Variants in SLA2 observed in about 807,000 individuals in gnomAD.
SLA2 encodes the protein src-like-adapter 2.
SLA2 carries 22 observed loss-of-function variants against 27.3 expected under a neutral mutation model. The ratio of observed to expected loss-of-function variants is 0.81; its 90% CI spans 0.58 to 1.15. The LOEUF is 1.15. Ranked by LOEUF, SLA2 falls within the 50% of genes most tolerant of loss-of-function variation. The pLI, the probability that SLA2 is intolerant of heterozygous loss-of-function variation, is 0.00. For synonymous variants in SLA2, 131 were observed against 137.8 expected, an observed-to-expected ratio of 0.95 and a Z score of 0.34; for missense variants, 304 against 322.2, an observed-to-expected ratio of 0.94 and a Z score of 0.43.
At chr20:36,631,586 C>T (rs2039393739) in intron 5 of SLA2, among the ~76,000 whole-genome samples, 1 of 152,206 alleles carries the variant, frequency 6.6e-6, no homozygotes, top group Non-Finnish European at 1.5e-5. Context: ...GCCTTCTGCC[C>T]CACCCTCAAG....
intron 5 of SLA2, among the ~76,000 whole-genome samples, chr20:36,616,300 AT>A: frequency 7.9e-6 from 1 of 126,292 alleles, no homozygotes; most frequent in African/African-American, 3.1e-5. Context: ...TGCATGTTTC[AT>A]TTTTTCATTT....
intron 2 of SLA2, among the ~76,000 whole-genome samples, chr20:36,640,730 TG>T (rs1722611718): frequency 1.3e-5 from 2 of 152,182 alleles, no homozygotes; most frequent in African/African-American, 4.8e-5. Context: ...TTGGCCAGGC[TG>T]GTCTTGAACT....
intron 1 of SLA2, among the ~76,000 whole-genome samples, chr20:36,642,869 G>A (rs1015085047): frequency 3.3e-5 from 5 of 152,000 alleles, no homozygotes; most frequent in Non-Finnish European, 7.4e-5. Flanking sequence ...ACAGGCATGA[G>A]CCACCGCACC....
At chr20:36,632,537 G>A (rs528990726) in intron 5 of SLA2, 58 bp downstream of exon 5, 2 of 1,349,430 alleles carry the variant, frequency 1.5e-6, no homozygotes, top group Non-Finnish European at 2.1e-6. Flanking sequence ...TATATCTGTG[G>A]GCTCCTTTCT....
intron 5 of SLA2, among the ~76,000 whole-genome samples, chr20:36,626,576 G>T (rs1208521606): frequency 6.8e-6 from 1 of 148,066 alleles, no homozygotes; most frequent in African/African-American, 2.5e-5. Flanking sequence ...GTCTGGGCGC[G>T]GTGGCTCATG....
intron 2 of SLA2, among the ~76,000 whole-genome samples, chr20:36,636,338 G>A (rs1205655557): frequency 1.3e-5 from 2 of 148,730 alleles, no homozygotes; most frequent in African/African-American, 5.1e-5. Context: ...GGAGAATGGC[G>A]TGAACCCGGG....
chr20:36,623,738 G>C (rs1045651549), intron 5 of SLA2, among the ~76,000 whole-genome samples: 1 of 151,672 alleles, frequency 6.6e-6, no homozygotes, highest in African/African-American at 2.4e-5. Flanking sequence ...GAGTGATCCT[G>C]TTGCCTCAGC....
rs1378771852 is a variant in SLA2, at chr20:36,634,536, C to T, written c.145G>A (p.Ala49Thr). 1 of 1,611,548 alleles carries T rather than the reference C, an allele frequency of 6.2e-7. No homozygotes were observed. Among genetic ancestry groups the T allele is most frequent in the Non-Finnish European group, 8.5e-7 (1 of 1,178,612 alleles). Residue 49 changes from alanine to threonine, a missense_variant, in exon 3 of 8, where the codon GCC (alanine) becomes ACC (threonine). Ala to Thr is a moderately conservative substitution (Grantham distance 58). Transcript: ENST00000262866. ...TCCCCGAGTCTCAGCGACAGCTCGG[C>T]CGGGCCACCTGCCGGGAAACTGCCC... is the stretch of plus-strand genomic sequence containing the variant. The part of the protein sequence containing the change: ...ALGSFPAGGP[A>T]ELSLRLGEPL...
Position 36,631,327 on chromosome 20 carries a change from A to T in SLA2, c.382+1268T>A, listed in dbSNP as rs6071708. Among the ~76,000 whole-genome samples the T allele has an allele frequency of 3.8e-3, 581 of 152,196 alleles. 8 individuals carry two copies. Among genetic ancestry groups the T allele is most frequent in the African/African-American group, 0.013 (536 of 41,528 alleles). On this transcript the variant is annotated intron_variant, in intron 5 of 7. Transcript: ENST00000262866. ...ACCACCATGCCTCACTACATTTTAAATTTTTTTGTAGAGAAGTGGTCTCAT... is the reference window on the plus strand; with the variant it reads ...ACCACCATGCCTCACTACATTTTAATTTTTTTTGTAGAGAAGTGGTCTCAT...
At chr20:36,633,019 G>C (rs1463737248) in intron 4 of SLA2, among the ~76,000 whole-genome samples, 2 of 152,254 alleles carry the variant, frequency 1.3e-5, no homozygotes, top group African/African-American at 4.8e-5. Context: ...AAAGCACCCT[G>C]ATTCTATCCA....
intron 1 of SLA2, among the ~76,000 whole-genome samples, chr20:36,642,203 G>A (rs1302816687): frequency 1.7e-4 from 10 of 60,134 alleles, no homozygotes; most frequent in Middle Eastern, 8.1e-3. Context: ...AAAAAGGACC[G>A]TGGGTTGTAT....
intron 5 of SLA2, 81 bp downstream of exon 5, chr20:36,632,514 G>A (rs893928199): frequency 1.3e-4 from 141 of 1,095,052 alleles, no homozygotes; most frequent in Non-Finnish European, 1.8e-4. Flanking sequence ...TTTCTGGGCC[G>A]CACCTGCAGC....
intron 5 of SLA2, among the ~76,000 whole-genome samples, chr20:36,623,602 C>A (rs1367467424): frequency 1.3e-5 from 2 of 152,086 alleles, no homozygotes; most frequent in Non-Finnish European, 2.9e-5. Context: ...GTCTCTGCTT[C>A]GTTTTCTTTG....
At chr20:36,632,719 GA>G in intron 4 of SLA2, 21 bp from the exon 5 acceptor site, 2 of 1,601,602 alleles carry the variant, frequency 1.2e-6, no homozygotes, top group Non-Finnish European at 1.7e-6. Context: ...GAAAGAGAGG[GA>G]CAAGGGACAG....
rs541844149 is a variant in SLA2, at chr20:36,614,918, G to A, written c.532+307C>T. 2.1e-4 allele frequency: 203 copies of A among 985,428 alleles called. 1 individual carries two copies. The African/African-American group carries it at 3.4e-3, about 17-fold the overall frequency. The allele number at this position is 985,428 out of a possible 1,614,324, so 61.0% of individuals were successfully genotyped here. A position where few individuals can be genotyped will look rare whatever the true frequency, so the allele number is the denominator to read the frequency against. ...CAGGATTGAATCCCACACAGCAGCA[G>A]CTCTGTGCCCGGTTCCTGTGGAGAG... On this transcript the variant is annotated intron_variant, in intron 6 of 7. Coordinates refer to ENST00000262866, the MANE Select transcript of SLA2 (RefSeq NM_032214.4).
intron 3 of SLA2, among the ~76,000 whole-genome samples, chr20:36,633,982 A>C (rs1378242126): frequency 1.3e-5 from 2 of 148,862 alleles, no homozygotes; most frequent in East Asian, 4.0e-4. Context: ...CAGTATCTCT[A>C]ATTCCTTCCT....
Position 36,613,774 on chromosome 20 carries a change from G to T in SLA2, c.*92C>A. The T allele has an allele frequency of 1.2e-5, 5 of 413,174 alleles. No homozygotes were observed. Among genetic ancestry groups the T allele is most frequent in the South Asian group, 4.0e-5 (2 of 50,480 alleles). The allele number at this position is 413,174 out of a possible 1,614,324, so 25.6% of individuals were successfully genotyped here. ...CCTCTGTGTCCCACCCTCCCTCCCT[G>T]AGTGCACAGCCTTGCCTCTGGGGTG... On this transcript the variant is annotated 3_prime_UTR_variant, in exon 8 of 8. Coordinates refer to ENST00000262866, the MANE Select transcript of SLA2 (RefSeq NM_032214.4).
chr20:36,636,004 T>A (rs2039440828), intron 2 of SLA2, among the ~76,000 whole-genome samples: 1 of 152,174 alleles, frequency 6.6e-6, no homozygotes, highest in Non-Finnish European at 1.5e-5. Context: ...TTCTAGTTGG[T>A]TACGGGTTTA....
intron 2 of SLA2, among the ~76,000 whole-genome samples, chr20:36,637,646 T>TTTG (rs1491016261): frequency 5.6e-5 from 8 of 141,912 alleles, no homozygotes; most frequent in Non-Finnish European, 1.1e-4. Context: ...TTTTTTTTTT[T>TTTG]GAGACAGTCC....
Sources: gnomAD v4.1 joint callset for allele counts (sites outside exome capture counted in the v4.1 genomes callset) on GRCh38, gnomAD v4.1.1 for gene constraint, MANE v1.5 for transcripts, NCBI Gene and HGNC (gene_info 2026-07-23, HGNC 2026-07-21) for gene names.